The following CAMKMT variants were observed in gnomAD, a reference collection of about 807,000 sequenced individuals.
CAMKMT encodes the protein CaM KMT.
A neutral mutation model predicts 48.0 loss-of-function variants in CAMKMT; 53 were observed. The ratio of observed to expected loss-of-function variants is 1.10; its 90% CI spans 0.89 to 1.39. CAMKMT has a LOEUF of 1.39. Ranked by LOEUF, CAMKMT falls within the 40% of genes most tolerant of loss-of-function variation. The probability of loss-of-function intolerance (pLI) is 0.00; values close to 1 mark genes in which losing one functional copy is unlikely to be tolerated. For missense variants in CAMKMT, 428 were observed against 402.7 expected (o/e 1.06, Z -0.54); for synonymous variants, 165 against 152.3 (o/e 1.08, Z -0.61).
chr2:44,465,776 A>G (rs905222632), intron 3 of CAMKMT, among the ~76,000 whole-genome samples: 5 of 152,214 alleles, frequency 3.3e-5, no homozygotes, highest in Non-Finnish European at 7.3e-5. Flanking sequence ...ACTTCAAACA[A>G]TAAATGCTGT....
intron 2 of CAMKMT, among the ~76,000 whole-genome samples, chr2:44,377,974 G>T (rs931659962): frequency 6.6e-6 from 1 of 152,190 alleles, no homozygotes; most frequent in African/African-American, 2.4e-5. Context: ...GATTATTTTT[G>T]TATGTGTAGT....
At chr2:44,380,556 G>A (rs1311553544) in intron 2 of CAMKMT, among the ~76,000 whole-genome samples, 1 of 152,000 alleles carries the variant, frequency 6.6e-6, no homozygotes, top group Non-Finnish European at 1.5e-5. Flanking sequence ...AGATGACTCA[G>A]TGAAAAAGAA....
At chr2:44,752,401 C>T (rs1039970730) in intron 8 of CAMKMT, among the ~76,000 whole-genome samples, 12 of 152,134 alleles carry the variant, frequency 7.9e-5, no homozygotes, top group African/African-American at 2.9e-4. Flanking sequence ...GCTTTGCTTT[C>T]TCTTGGCAGA....
chr2:44,760,679 T>C lies in CAMKMT; in HGVS notation c.763-5751T>C, dbSNP rs150336716. ...GTGATGAAGAGACCAGGCTCTACTG[T>C]ATGGGTAACGGAGAGCCATTGAAAG... is the stretch of plus-strand genomic sequence containing the variant. On this transcript the variant is annotated intron_variant, in intron 9 of 10. Transcript: ENST00000378494. Among the ~76,000 whole-genome samples, 1,051 of 151,654 alleles carry C rather than the reference T, an allele frequency of 6.9e-3. 4 individuals are homozygous for C. Among genetic ancestry groups the C allele is most frequent in the Non-Finnish European group, 0.011 (775 of 67,950 alleles).
At chr2:44,363,675 C>T (rs1342544018) in intron 1 of CAMKMT, among the ~76,000 whole-genome samples, 2 of 150,616 alleles carry the variant, frequency 1.3e-5, no homozygotes, top group Non-Finnish European at 3.0e-5. Flanking sequence ...CCACCGTGCC[C>T]GGCAACCCCC....
At chr2:44,698,073 CAAAT>C (rs1205574194) in intron 3 of CAMKMT, among the ~76,000 whole-genome samples, 1 of 152,136 alleles carries the variant, frequency 6.6e-6, no homozygotes, top group East Asian at 1.9e-4. Context: ...TTTATTCCCA[CAAAT>C]AAGAATGAGA....
intron 3 of CAMKMT, among the ~76,000 whole-genome samples, chr2:44,529,810 T>C (rs1161443456): frequency 1.3e-5 from 2 of 152,222 alleles, no homozygotes; most frequent in African/African-American, 4.8e-5. Context: ...GGACTTCTGT[T>C]GTTATTTACA....
At chr2:44,414,451 C>T (rs147665259) in intron 3 of CAMKMT, among the ~76,000 whole-genome samples, 33 of 152,266 alleles carry the variant, frequency 2.2e-4, no homozygotes, top group Admixed American at 1.1e-3. Flanking sequence ...TGGCAGGCCT[C>T]AGTTTCTTGC....
At chr2:44,655,758 C>A (rs902546231) in intron 3 of CAMKMT, among the ~76,000 whole-genome samples, 2 of 152,148 alleles carry the variant, frequency 1.3e-5, no homozygotes, top group Admixed American at 6.6e-5. Context: ...GGGAATGAGG[C>A]CATGCTTACC....
intron 3 of CAMKMT, among the ~76,000 whole-genome samples, chr2:44,469,134 C>A (rs779994626): frequency 1.4e-4 from 22 of 151,908 alleles, no homozygotes; most frequent in Non-Finnish European, 2.5e-4. Flanking sequence ...GAGTGACTAT[C>A]GTTAACAAAG....
At chr2:44,592,208 TATA>T (rs1553421470) in intron 3 of CAMKMT, among the ~76,000 whole-genome samples, 2 of 151,856 alleles carry the variant, frequency 1.3e-5, no homozygotes, top group African/African-American at 2.4e-5. Flanking sequence ...AAACTTAAAG[TATA>T]ATAATAATAA....
chr2:44,556,091 G>A (rs902898311), intron 3 of CAMKMT, among the ~76,000 whole-genome samples: 2 of 151,992 alleles, frequency 1.3e-5, no homozygotes, highest in Non-Finnish European at 2.9e-5. Context: ...TCATTGCAAA[G>A]TGAAAGGCTA....
At chr2:44,491,098 C>A (rs1014153005) in intron 3 of CAMKMT, among the ~76,000 whole-genome samples, 1 of 147,358 alleles carries the variant, frequency 6.8e-6, no homozygotes, top group Non-Finnish European at 1.5e-5. Flanking sequence ...TTGCAGTGAG[C>A]TGAGAGCACG....
intron 3 of CAMKMT, among the ~76,000 whole-genome samples, chr2:44,566,375 A>G (rs1668615241): frequency 6.6e-6 from 1 of 152,244 alleles, no homozygotes; most frequent in Non-Finnish European, 1.5e-5. Flanking sequence ...TCCACATGGT[A>G]GCTTATTGTT....
In CAMKMT at chr2:44,362,084, C is replaced by T. The variant is rs759479743; in HGVS notation, c.77C>T (p.Thr26Ile). The T allele has an allele frequency of 2.7e-6, 4 of 1,458,516 alleles. No individual in the cohort carries two copies. Among genetic ancestry groups the T allele is most frequent in the Non-Finnish European group, 2.7e-6 (3 of 1,115,482 alleles). 90.3% of individuals were successfully genotyped at this position (1,458,516 alleles called of 1,614,324 possible). A position where few individuals can be genotyped will look rare whatever the true frequency, so the allele number is the denominator to read the frequency against. Residue 26 changes from threonine to isoleucine, a missense_variant, in exon 1 of 11, where the codon ACC becomes ATC. Physicochemically the swap from Thr to Ile is moderately conservative, Grantham distance 89 (BLOSUM62 -1). Coordinates refer to ENST00000378494, the MANE Select transcript of CAMKMT (RefSeq NM_024766.5). The stretch of plus-strand genomic sequence containing the variant: ...GGCGGGAGTCCGGCAGTTGGCTGCA[C>T]CACTCGGGGGCCCGTAGTCTCGGCG... ...AAGGSPAVGC[T>I]TRGPVVSAPL...
intron 2 of CAMKMT, among the ~76,000 whole-genome samples, chr2:44,379,267 A>G (rs1408360713): frequency 6.6e-6 from 1 of 152,102 alleles, no homozygotes; most frequent in Non-Finnish European, 1.5e-5. Context: ...TACTTTTTTT[A>G]TGGCATCCCA....
chr2:44,672,782 G>C (rs1366259002), intron 3 of CAMKMT, among the ~76,000 whole-genome samples: 7 of 152,032 alleles, frequency 4.6e-5, no homozygotes, highest in African/African-American at 1.7e-4. Flanking sequence ...CTGAAGTACT[G>C]TAAGATGTAC....
chr2:44,713,394 T>G (rs1677990584), intron 6 of CAMKMT, among the ~76,000 whole-genome samples: 1 of 152,140 alleles, frequency 6.6e-6, no homozygotes, highest in African/African-American at 2.4e-5. Context: ...GTGGGGGAAC[T>G]TAATCAAAAA....
intron 3 of CAMKMT, among the ~76,000 whole-genome samples, chr2:44,637,059 C>T (rs1166095974): frequency 6.6e-6 from 1 of 152,176 alleles, no homozygotes; most frequent in Non-Finnish European, 1.5e-5. Flanking sequence ...ACTGATTTGA[C>T]ATACTGCTGT....
Sources: allele counts gnomAD v4.1 joint callset (sites outside exome capture counted in the v4.1 genomes callset), GRCh38; gene constraint gnomAD v4.1.1; transcripts MANE v1.5; gene names NCBI Gene and HGNC (gene_info 2026-07-23, HGNC 2026-07-21).